The following RBFOX1 variants were observed in gnomAD, a reference collection of about 807,000 sequenced individuals.
RBFOX1 encodes the protein RNA binding fox-1 homolog 1.
RBFOX1 carries 8 observed loss-of-function variants against 57.7 expected under a neutral mutation model. The ratio of observed to expected loss-of-function variants is 0.14; its 90% confidence interval spans 0.08 to 0.25. RBFOX1 has a LOEUF of 0.25. RBFOX1 is among the 10% of genes least tolerant of loss of function. The probability of loss-of-function intolerance (pLI) is 1.00; values close to 1 mark genes in which losing one functional copy is unlikely to be tolerated. For missense variants in RBFOX1, 611 were observed against 548.5 expected, an observed-to-expected ratio of 1.11 and a Z score of -1.14; for synonymous variants, 326 against 222.4, an observed-to-expected ratio of 1.47 and a Z score of -4.15.
chr16:6,402,663 C>T (rs2093123035), intron 2 of RBFOX1, among the ~76,000 whole-genome samples: 3 of 152,208 alleles, frequency 2.0e-5, no homozygotes, highest in Non-Finnish European at 4.4e-5. Context: ...AACACATACA[C>T]ACACACAGGC....
intron 4 of RBFOX1, among the ~76,000 whole-genome samples, chr16:7,062,180 A>G (rs988119029): frequency 1.3e-5 from 2 of 151,822 alleles, no homozygotes; most frequent in Admixed American, 6.6e-5. Flanking sequence ...TTAGCTGGGC[A>G]TGGTGGCGGG....
chr16:6,667,919 A>C (rs1158751479), intron 3 of RBFOX1, among the ~76,000 whole-genome samples: 2 of 152,024 alleles, frequency 1.3e-5, no homozygotes, highest in East Asian at 1.9e-4. Flanking sequence ...AAATAAGTAC[A>C]AGCTGCCTGA....
At chr16:7,525,590 C>A (rs2152310841) in intron 5 of RBFOX1, among the ~76,000 whole-genome samples, 1 of 152,246 alleles carries the variant, frequency 6.6e-6, no homozygotes, top group African/African-American at 2.4e-5. Flanking sequence ...ATGTGCTAGC[C>A]AACTCTTGGC....
intron 4 of RBFOX1, among the ~76,000 whole-genome samples, chr16:7,374,001 C>G (rs1333279126): frequency 6.6e-6 from 1 of 152,142 alleles, no homozygotes; most frequent in African/African-American, 2.4e-5. Flanking sequence ...ATATTTTAGT[C>G]ACAGATATGA....
chr16:5,750,963 C>T (rs908498653), intron 3 of RBFOX1, among the ~76,000 whole-genome samples: 1 of 152,196 alleles, frequency 6.6e-6, no homozygotes, highest in African/African-American at 2.4e-5. Context: ...ACGCTGGGAG[C>T]TGTAGACTGG....
chr16:6,166,550 G>A (rs541137047), intron 1 of RBFOX1, among the ~76,000 whole-genome samples: 11 of 152,008 alleles, frequency 7.2e-5, no homozygotes, highest in East Asian at 1.9e-4. Context: ...GACAGTCTTC[G>A]TGTGGTGACA....
At chr16:7,373,263 C>A (rs893100238) in intron 4 of RBFOX1, among the ~76,000 whole-genome samples, 2 of 152,046 alleles carry the variant, frequency 1.3e-5, no homozygotes, top group Non-Finnish European at 2.9e-5. Context: ...TCTAAAACAA[C>A]AATTAGTTTT....
intron 2 of RBFOX1, among the ~76,000 whole-genome samples, chr16:6,471,136 C>A (rs1190757579): frequency 6.6e-6 from 1 of 152,174 alleles, no homozygotes; most frequent in Non-Finnish European, 1.5e-5. Context: ...CTTCAGACAT[C>A]AACCCTTTCC....
At chr16:5,561,938 G>C (rs891135155) in intron 2 of RBFOX1, among the ~76,000 whole-genome samples, 12 of 152,144 alleles carry the variant, frequency 7.9e-5, no homozygotes, top group African/African-American at 2.9e-4. Context: ...TCTTTCGAGG[G>C]CCTCTTTTCC....
intron 3 of RBFOX1, among the ~76,000 whole-genome samples, chr16:7,025,886 G>C (rs1240079324): frequency 6.6e-6 from 1 of 152,166 alleles, no homozygotes; most frequent in Non-Finnish European, 1.5e-5. Flanking sequence ...CTGCTTAATA[G>C]TACAGGCCTG....
chr16:5,374,630 TAG>T (rs1008152804), intron 1 of RBFOX1, among the ~76,000 whole-genome samples: 104 of 151,744 alleles, frequency 6.9e-4, no homozygotes, highest in Non-Finnish European at 1.1e-3. Flanking sequence ...CTTAATCCAT[TAG>T]AGAGAGAGGG....
At chr16:7,442,209 T>C (rs1433392333) in intron 4 of RBFOX1, among the ~76,000 whole-genome samples, 1 of 152,078 alleles carries the variant, frequency 6.6e-6, no homozygotes, top group Non-Finnish European at 1.5e-5. Context: ...GGCTTGGTCC[T>C]AAGGGGTCTC....
intron 1 of RBFOX1, among the ~76,000 whole-genome samples, chr16:5,448,904 T>C (rs1041215081): frequency 6.6e-6 from 1 of 152,054 alleles, no homozygotes; most frequent in Non-Finnish European, 1.5e-5. Flanking sequence ...GCTACCTGCC[T>C]CTTCAGCTTG....
At chr16:5,403,124 G>A (rs1310645482) in intron 1 of RBFOX1, among the ~76,000 whole-genome samples, 2 of 152,030 alleles carry the variant, frequency 1.3e-5, no homozygotes, top group Admixed American at 6.5e-5. Flanking sequence ...GCCCAGGCAG[G>A]CGGATCACCT....
intron 4 of RBFOX1, among the ~76,000 whole-genome samples, chr16:7,447,217 A>C (rs772403777): frequency 1.3e-5 from 2 of 151,856 alleles, no homozygotes; most frequent in East Asian, 3.9e-4. Flanking sequence ...AGATTAATTG[A>C]GGTCAGGAGT....
chr16:6,219,832 T>C (rs1201602308), intron 1 of RBFOX1, among the ~76,000 whole-genome samples: 1 of 152,136 alleles, frequency 6.6e-6, no homozygotes, highest in Non-Finnish European at 1.5e-5. Flanking sequence ...GCCGAGATTA[T>C]GCTATCGTGC....
chr16:7,141,362 T>C (rs2073736715), intron 4 of RBFOX1, among the ~76,000 whole-genome samples: 1 of 152,140 alleles, frequency 6.6e-6, no homozygotes, highest in Non-Finnish European at 1.5e-5. Flanking sequence ...CCAAGACAGA[T>C]AGGACCCCTT....
rs191357653 is a variant in RBFOX1, at chr16:5,757,458, T to C, written c.319-109845T>C. Among the ~76,000 whole-genome samples, 15 of 152,110 alleles carry C rather than the reference T, an allele frequency of 9.9e-5. No individual in the cohort carries two copies. In the East Asian group the frequency reaches 2.3e-3, roughly 24 times the overall value. On this transcript the variant is annotated intron_variant, in intron 3 of 19. Transcript: ENST00000641259. The stretch of plus-strand genomic sequence containing the variant: ...TTTTGGCCGGGATGGTCTCGATCTC[T>C]TGACCTTGTGATCTGCCCTCCTCAG...
chr16:7,108,729 C>G (rs550100559), intron 4 of RBFOX1, among the ~76,000 whole-genome samples: 6 of 152,250 alleles, frequency 3.9e-5, no homozygotes, highest in Admixed American at 2.0e-4. Context: ...TCTGATAGCA[C>G]TAGTGGAAAT....
Sources: allele counts gnomAD v4.1 joint callset (sites outside exome capture counted in the v4.1 genomes callset), GRCh38; gene constraint gnomAD v4.1.1; transcripts MANE v1.5; gene names NCBI Gene and HGNC (gene_info 2026-07-23, HGNC 2026-07-21).